GRIK3: variants seen among roughly 807,000 people sequenced by gnomAD.
The protein encoded by GRIK3 is glutamate receptor ionotropic, kainate 3.
A neutral mutation model predicts 102.5 loss-of-function variants in GRIK3; 29 were observed. The observed-to-expected ratio is 0.28, with a 90% CI of 0.21 to 0.39. The LOEUF is 0.39. Ranked by LOEUF, GRIK3 falls within the 10% of genes least tolerant of loss-of-function variation. The pLI, the probability that GRIK3 is intolerant of heterozygous loss-of-function variation, is 1.00. For synonymous variants in GRIK3, 511 were observed against 504.9 expected (o/e 1.01, Z -0.16); for missense variants, 908 against 1,252.4 (o/e 0.73, Z 4.15).
intron 5 of GRIK3, among the ~76,000 whole-genome samples, chr1:36,863,174 C>G (rs1314656454): frequency 1.3e-5 from 2 of 152,152 alleles, no homozygotes; most frequent in Non-Finnish European, 2.9e-5. Flanking sequence ...GGTTCTGTAA[C>G]TGGGGAGTGA....
At chr1:36,832,969 C>A (rs1464900059) in intron 10 of GRIK3, among the ~76,000 whole-genome samples, 1 of 152,160 alleles carries the variant, frequency 6.6e-6, no homozygotes. Context: ...TCCTCCGTGT[C>A]TTTATCACTA....
intron 11 of GRIK3, among the ~76,000 whole-genome samples, chr1:36,820,585 T>C (rs1466578259): frequency 6.6e-6 from 1 of 152,202 alleles, no homozygotes; most frequent in Non-Finnish European, 1.5e-5. Flanking sequence ...TATTGCTCTA[T>C]CTGCATTACA....
chr1:36,904,448 A>G (rs1009292463), intron 1 of GRIK3, among the ~76,000 whole-genome samples: 3 of 152,228 alleles, frequency 2.0e-5, no homozygotes, highest in Non-Finnish European at 4.4e-5. Flanking sequence ...CAGAAAAGCC[A>G]TCGTGATTGT....
chr1:37,003,084 GTTTCCCT>G (rs1188264697), intron 1 of GRIK3, among the ~76,000 whole-genome samples: 2 of 143,484 alleles, frequency 1.4e-5, no homozygotes, highest in Non-Finnish European at 3.0e-5. Flanking sequence ...GAAAGATACA[GTTTCCCT>G]TTTCCCTTTG....
intron 1 of GRIK3, among the ~76,000 whole-genome samples, chr1:36,986,683 G>A (rs1179122034): frequency 1.3e-5 from 2 of 152,204 alleles, no homozygotes; most frequent in Non-Finnish European, 2.9e-5. Flanking sequence ...CCCTGAGCAG[G>A]GAGCTGCTGA....
intron 5 of GRIK3, 59 bp from the exon 6 acceptor site, chr1:36,860,076 C>T (rs533106791): frequency 3.1e-5 from 42 of 1,351,622 alleles, no homozygotes; most frequent in South Asian, 1.3e-4. Flanking sequence ...ACTCCAGCCC[C>T]GCCTCCTACC....
chr1:36,890,799 A>T, intron 2 of GRIK3, 121 bp downstream of exon 2: 1 of 689,232 alleles, frequency 1.5e-6, no homozygotes, highest in Non-Finnish European at 2.3e-6. Context: ...AGCCCAAACC[A>T]GGTAGAAAAG....
At chr1:36,817,878 A>C (rs534234994) in intron 12 of GRIK3, among the ~76,000 whole-genome samples, 1 of 152,362 alleles carries the variant, frequency 6.6e-6, no homozygotes, top group South Asian at 2.1e-4. Context: ...AATGGTATAC[A>C]AATACAAGAT....
chr1:36,930,226 C>T (rs1241452442), intron 1 of GRIK3, among the ~76,000 whole-genome samples: 1 of 152,294 alleles, frequency 6.6e-6, no homozygotes, highest in South Asian at 2.1e-4. Flanking sequence ...TGGAGGCTGG[C>T]TTTTGAGATT....
intron 1 of GRIK3, among the ~76,000 whole-genome samples, chr1:36,925,371 T>C (rs1557427685): frequency 6.6e-6 from 1 of 152,366 alleles, no homozygotes; most frequent in East Asian, 1.9e-4. Flanking sequence ...CCCAGGGGCC[T>C]AGATACAATG....
At chr1:36,823,339 T>TGG (rs1642717433) in intron 11 of GRIK3, among the ~76,000 whole-genome samples, 2 of 151,524 alleles carry the variant, frequency 1.3e-5, no homozygotes, top group African/African-American at 4.9e-5. Flanking sequence ...CCGGGTGTGG[T>TGG]GGTGGGCACC....
At chr1:36,867,773 C>T (rs937154521) in intron 5 of GRIK3, among the ~76,000 whole-genome samples, 1 of 152,190 alleles carries the variant, frequency 6.6e-6, no homozygotes, top group African/African-American at 2.4e-5. Flanking sequence ...CCTCGCCACC[C>T]ACTCTGTCTG....
intron 1 of GRIK3, among the ~76,000 whole-genome samples, chr1:36,989,189 T>C (rs1478098515): frequency 1.3e-5 from 2 of 151,988 alleles, no homozygotes; most frequent in Non-Finnish European, 2.9e-5. Flanking sequence ...ACACGCATCC[T>C]CTCTCCACAC....
chr1:36,884,205 T>C lies in GRIK3; in HGVS notation c.293-3314A>G, dbSNP rs138150213. 1.1e-3 allele frequency among the ~76,000 whole-genome samples: 160 copies of C among 152,336 alleles called. 2 individuals are homozygous for C. The highest frequency in any genetic ancestry group is 3.8e-3 in the African/African-American group (158 of 41,576). Reference sequence around the variant, plus strand: ...GAGCCAAGTCGGGGAAGCACCATCTTGTTCCTGCTCTTGTCACCTTTGAGT... The same window carrying C: ...GAGCCAAGTCGGGGAAGCACCATCTCGTTCCTGCTCTTGTCACCTTTGAGT... On this transcript the variant is annotated intron_variant, in intron 2 of 15. Coordinates refer to ENST00000373091, the MANE Select transcript of GRIK3 (RefSeq NM_000831.4).
At chr1:37,000,990 G>C (rs1024899042) in intron 1 of GRIK3, among the ~76,000 whole-genome samples, 4 of 152,222 alleles carry the variant, frequency 2.6e-5, no homozygotes, top group African/African-American at 9.6e-5. Flanking sequence ...GTGGTCAGTG[G>C]TACCTGGCTA....
At chr1:36,921,616 CT>C (rs5773552) in intron 1 of GRIK3, among the ~76,000 whole-genome samples, 126,529 of 151,602 alleles carry the variant, frequency 0.83, 53,376 homozygotes, top group Admixed American at 0.9. Flanking sequence ...TCAAATCACA[CT>C]TTTTTTTTTC....
At chr1:36,803,438 A>G (rs1354881169) in intron 15 of GRIK3, among the ~76,000 whole-genome samples, 2 of 151,598 alleles carry the variant, frequency 1.3e-5, no homozygotes, top group Non-Finnish European at 2.9e-5. Context: ...TTTATTATTT[A>G]TTATTATTAT....
intron 1 of GRIK3, among the ~76,000 whole-genome samples, chr1:37,002,495 T>C (rs1642487929): frequency 6.6e-6 from 1 of 152,206 alleles, no homozygotes; most frequent in Non-Finnish European, 1.5e-5. Context: ...GGATTTATCC[T>C]TGGATCAAGC....
At chr1:36,835,293 T>C (rs1174044687) in intron 10 of GRIK3, among the ~76,000 whole-genome samples, 2 of 152,240 alleles carry the variant, frequency 1.3e-5, no homozygotes, top group African/African-American at 4.8e-5. Flanking sequence ...TGGTTTCTCA[T>C]AGACGCTGCT....
Sources: allele counts gnomAD v4.1 joint callset (sites outside exome capture counted in the v4.1 genomes callset), GRCh38; gene constraint gnomAD v4.1.1; transcripts MANE v1.5; gene names NCBI Gene and HGNC (gene_info 2026-07-23, HGNC 2026-07-21).